The following PLXND1 variants were observed in gnomAD, a reference collection of about 807,000 sequenced individuals.
PLXND1 encodes plexin-D1.
In PLXND1, 54 loss-of-function variants were observed where a neutral mutation model predicts 197.7. That is an observed-to-expected ratio of 0.27 (90% CI 0.22 to 0.34). The LOEUF (loss-of-function observed/expected upper bound fraction) is 0.34, where lower values mean the gene tolerates loss of function less well. Among genes scored for constraint, PLXND1 ranks in the 10% least tolerant of loss-of-function variants. The pLI, the probability that PLXND1 is intolerant of heterozygous loss-of-function variation, is 1.00. For synonymous variants in PLXND1, 1,180 were observed against 1,161.2 expected (o/e 1.02, Z -0.33); for missense variants, 2,127 against 2,699.2 (o/e 0.79, Z 4.70).
intron 25 of PLXND1, among the ~76,000 whole-genome samples, chr3:129,564,977 C>T (rs922581791): frequency 7.2e-5 from 11 of 152,252 alleles, no homozygotes; most frequent in African/African-American, 2.7e-4. Context: ...TTCCACGTCT[C>T]GCCTAGCCTA....
Position 129,557,035 on chromosome 3 carries a change from A to T in PLXND1, c.5586+48T>A. On this transcript the variant is annotated intron_variant, in intron 34 of 35. Transcript: ENST00000324093. The surrounding 1 kb of genome is among the most constrained non-coding windows in gnomAD (Gnocchi z 4.8). Reference sequence around the variant, plus strand: ...ATTGAGGCCCAGCCCCCGACCCCCGATCCCTCAGCTCTTCAGGCCCCCATC... The same window carrying T: ...ATTGAGGCCCAGCCCCCGACCCCCGTTCCCTCAGCTCTTCAGGCCCCCATC... 1 of 1,591,650 alleles carries T rather than the reference A, an allele frequency of 6.3e-7. No homozygotes were observed. The highest frequency in any genetic ancestry group is 8.6e-7 in the Non-Finnish European group (1 of 1,165,722).
intron 28 of PLXND1, 34 bp downstream of exon 28, chr3:129,561,766 G>A: frequency 1.3e-6 from 2 of 1,554,918 alleles, no homozygotes; most frequent in Non-Finnish European, 1.8e-6. Context: ...GGGGCATGAG[G>A]GTGGGGAAAT....
intron 19 of PLXND1, 46 bp downstream of exon 19, chr3:129,570,740 A>T: frequency 6.3e-7 from 1 of 1,595,946 alleles, no homozygotes; most frequent in Non-Finnish European, 8.6e-7. Context: ...CAGATGGGCC[A>T]GGGGTGGGGC....
In PLXND1 at chr3:129,575,430, G is replaced by C. The variant is rs370570798; in HGVS notation, c.2530+39C>G. Reference sequence around the variant, plus strand: ...AAGGCTGAGCCCCACCCACTGCACTGAGGCCCCGAGGCCATGTGGGGCGGG... The same window carrying C: ...AAGGCTGAGCCCCACCCACTGCACTCAGGCCCCGAGGCCATGTGGGGCGGG... On this transcript the variant is annotated intron_variant, in intron 11 of 35. Transcript: ENST00000324093. The C allele has an allele frequency of 2.3e-6, 3 of 1,283,816 alleles. No homozygotes were observed. In the South Asian group the frequency reaches 3.8e-5, roughly 16 times the overall value. 79.5% of individuals were successfully genotyped at this position (1,283,816 alleles called of 1,614,324 possible).
chr3:129,586,255 G>C lies in PLXND1; in HGVS notation c.1638C>G (p.Val546=), dbSNP rs530206071. The change falls in exon 4 of 36, where the codon GTC becomes GTG. Residue 546 remains valine, a synonymous_variant. Coordinates refer to ENST00000324093, the MANE Select transcript of PLXND1 (RefSeq NM_015103.3). ...AGGTGGAGTGCACGTTGCAGGCGGC[G>C]ACCTTCACCCTGGCCATCTGGGGGC... ...MTSHQMARVK[V]AACNVHSTCG... is the part of the protein sequence containing the mutation. 4 of 1,583,078 alleles carry C rather than the reference G, an allele frequency of 2.5e-6. No homozygotes were observed. The South Asian group carries it at 4.5e-5, about 18-fold the overall frequency.
chr3:129,565,123 G>A lies in PLXND1; in HGVS notation c.4521+217C>T, dbSNP rs552712224. Reference sequence around the variant, plus strand: ...AACCTCTGTTATGCCCCAAGCATCCGTTGAGCCCTTGCAGCAAGCCAGCCA... The same window carrying A: ...AACCTCTGTTATGCCCCAAGCATCCATTGAGCCCTTGCAGCAAGCCAGCCA... On this transcript the variant is annotated intron_variant, in intron 25 of 35. Coordinates refer to ENST00000324093, the MANE Select transcript of PLXND1 (RefSeq NM_015103.3). Among the ~76,000 whole-genome samples the A allele has an allele frequency of 8.5e-5, 13 of 152,340 alleles. No individual in the cohort carries two copies. In the South Asian group the frequency reaches 1.7e-3, roughly 19 times the overall value.
At position 129,559,720 on chromosome 3, in the gene PLXND1, G is replaced by A; in HGVS notation, c.5197C>T (p.Pro1733Ser). 1 of 1,613,216 alleles carries A rather than the reference G, an allele frequency of 6.2e-7. No homozygotes were observed. Residue 1733 changes from proline to serine, a missense_variant, in exon 32 of 36, where the codon CCC becomes TCC. Pro to Ser is a moderately conservative substitution (Grantham distance 74). Transcript: ENST00000324093. ...KAILSIREDK[P>S]PLAVKYFFDF... ...AAAAAGTACTTGACAGCCAGTGGGG[G>A]CTTGTCTTCACGGATACTCAGAATG...
intron 29 of PLXND1, among the ~76,000 whole-genome samples, chr3:129,561,238 C>T (rs551844025): frequency 6.6e-6 from 1 of 152,266 alleles, no homozygotes; most frequent in East Asian, 1.9e-4. Context: ...AGAAGGGGAC[C>T]CCGAGACCCA....
At position 129,558,257 on chromosome 3, in the gene PLXND1, C is replaced by T. The variant is rs2085003072; in HGVS notation, c.5445+171G>A. On this transcript the variant is annotated intron_variant, in intron 33 of 35. Transcript: ENST00000324093. This position sits in a 1 kb window ranked among gnomAD's most constrained non-coding sequence, Gnocchi z 4.1. ...ATGGAAGGTACTGGCTTCTAGGTGT[C>T]TCCCTGTCTGAATGAGTCACTCATC... Among the ~76,000 whole-genome samples, 1 of 152,212 alleles carries T rather than the reference C, an allele frequency of 6.6e-6. No homozygotes were observed. The highest frequency in any genetic ancestry group is 1.5e-5 in the Non-Finnish European group (1 of 68,038).
intron 22 of PLXND1, 21 bp downstream of exon 22, chr3:129,567,471 C>T (rs1560063310): frequency 1.4e-6 from 2 of 1,422,492 alleles, no homozygotes; most frequent in African/African-American, 1.4e-5. Flanking sequence ...AGGTTCAGGG[C>T]AGGCTCAGGC....
In PLXND1 at chr3:129,555,377, T is replaced by C; in HGVS notation, c.*935A>G. The C allele has an allele frequency of 1.6e-6, 1 of 614,840 alleles. No homozygotes were observed. Among genetic ancestry groups the C allele is most frequent in the Non-Finnish European group, 2.9e-6 (1 of 350,566 alleles). The allele number at this position is 614,840 out of a possible 1,614,324, so 38.1% of individuals were successfully genotyped here. A position where few individuals can be genotyped will look rare whatever the true frequency, so the allele number is the denominator to read the frequency against. On this transcript the variant is annotated 3_prime_UTR_variant, in exon 36 of 36. Coordinates refer to ENST00000324093, the MANE Select transcript of PLXND1 (RefSeq NM_015103.3). ...AGGGTCGTTTCTGGCAGGAACGGAG[T>C]GGGTGGTAGTCTCAGGCGCCAGGGG... is the stretch of plus-strand genomic sequence containing the variant.
In PLXND1 at chr3:129,584,478, C is replaced by T. The variant is rs2085431914; in HGVS notation, c.1936G>A (p.Val646Met). 6.2e-7 allele frequency: 1 copy of T among 1,614,040 alleles called. No homozygotes were observed. ...AAGGCAGGGCCTGGGACCCGAGCCA[C>T]AGTGCGGATGTTGTTCCCATAGTCA... ...ACDYGNNIRT[V>M]ARVPGPAFGH... Residue 646 changes from valine (V) to methionine (M), a missense_variant, in exon 6 of 36, where the codon GTG becomes ATG. Physicochemically the swap from Val to Met is conservative, Grantham distance 21 (BLOSUM62 1). Around this residue, in one of 6 missense-constraint regions of PLXND1, gnomAD observed 1,095 missense variants for 1,259.8 expected, o/e 0.87. Coordinates refer to ENST00000324093, the MANE Select transcript of PLXND1 (RefSeq NM_015103.3).
At position 129,563,256 on chromosome 3, in the gene PLXND1, G is replaced by T. The variant is rs746280533; in HGVS notation, c.4522-16C>A. The stretch of plus-strand genomic sequence containing the variant: ...CCACCGTCTCCTGAGGGGCACGGGG[G>T]TATCAGGGCCAAGGCCCCCTCTGTA... On this transcript the variant is annotated splice_polypyrimidine_tract_variant and intron_variant, in intron 25 of 35. Transcript: ENST00000324093. 6.2e-7 allele frequency: 1 copy of T among 1,600,062 alleles called. No homozygotes were observed. The highest frequency in any genetic ancestry group is 1.1e-5 in the South Asian group (1 of 89,008).
chr3:129,574,360 G>T lies in PLXND1; in HGVS notation c.2661C>A (p.Thr887=), dbSNP rs1037140486. ...CCGCGTGGATCTCGGGGGCGGGGCA[G>T]GTGCCAGCCATGGGCTGCAGAGGCC... is the stretch of plus-strand genomic sequence containing the variant. ...LRGPLQPMAG[T]CPAPEIHAIE... Residue 887 remains threonine, a synonymous_variant, in exon 12 of 36, where the codon ACC becomes ACA. Transcript: ENST00000324093. 19 of 1,608,418 alleles carry T rather than the reference G, an allele frequency of 1.2e-5. No homozygotes were observed. The African/African-American group carries it at 2.4e-4, about 20-fold the overall frequency.
At chr3:129,605,261 T>TTCC in intron 1 of PLXND1, 68 bp downstream of exon 1, 1 of 493,836 alleles carries the variant, frequency 2.0e-6, no homozygotes, top group Non-Finnish European at 3.1e-6. Flanking sequence ...CCCGCTCGGT[T>TTCC]CCCGCCCGCC....
chr3:129,572,999 C>T, intron 13 of PLXND1, 58 bp from the exon 14 acceptor site: 1 of 1,258,986 alleles, frequency 7.9e-7, no homozygotes, highest in Non-Finnish European at 1.2e-6. Context: ...CACCCTAGAG[C>T]CAGGCTCAGG....
intron 1 of PLXND1, 66 bp downstream of exon 1, chr3:129,605,261 TCC>T: frequency 3.1e-4 from 151 of 493,654 alleles, no homozygotes; most frequent in Non-Finnish European, 4.3e-4. Context: ...CCCGCTCGGT[TCC>T]CGCCCGCCCC....
At chr3:129,579,035 G>A (rs1226701613) in intron 8 of PLXND1, among the ~76,000 whole-genome samples, 1 of 152,214 alleles carries the variant, frequency 6.6e-6, no homozygotes, top group Admixed American at 6.5e-5. Flanking sequence ...AGGTGAAGGT[G>A]CCAGCCCCAG....
At chr3:129,582,725 A>T (rs942909970) in intron 8 of PLXND1, among the ~76,000 whole-genome samples, 1 of 152,248 alleles carries the variant, frequency 6.6e-6, no homozygotes, top group Non-Finnish European at 1.5e-5. Flanking sequence ...CTCAGAAACC[A>T]ACCAGGGGCG....
Sources: gnomAD v4.1 joint callset for allele counts (sites outside exome capture counted in the v4.1 genomes callset) on GRCh38, gnomAD v4.1.1 for gene constraint, gnomAD v4.1.1 regional missense constraint, Gnocchi (gnomAD v3.1) non-coding constraint, MANE v1.5 for transcripts, NCBI Gene and HGNC (gene_info 2026-07-23, HGNC 2026-07-21) for gene names.